Variants in OSBPL9 observed in about 807,000 individuals in gnomAD.
OSBPL9 encodes the protein oxysterol binding protein like 9, also known as oxysterol-binding protein-related protein 9.
Under a neutral mutation model 106.6 loss-of-function variants are expected in OSBPL9, and 40 were observed. The observed-to-expected ratio is 0.38, with a 90% confidence interval of 0.29 to 0.49. OSBPL9 has a LOEUF of 0.49. Among genes scored for constraint, OSBPL9 ranks in the 20% least tolerant of loss-of-function variants. The probability of loss-of-function intolerance (pLI) is 0.97; values close to 1 mark genes in which losing one functional copy is unlikely to be tolerated. For missense variants in OSBPL9, 609 were observed against 887.2 expected (o/e 0.69, Z 3.98); for synonymous variants, 269 against 295.4 (o/e 0.91, Z 0.92).
the OSBPL9 span, among the ~76,000 whole-genome samples, chr1:51,546,365 C>A: frequency 1.3e-5 from 2 of 152,060 alleles, no homozygotes; most frequent in African/African-American, 2.4e-5. Flanking sequence ...TTAAGAATTT[C>A]TGTTCAACAA....
At chr1:51,671,542 G>T (rs1424017861) in intron 3 of OSBPL9, among the ~76,000 whole-genome samples, 2 of 152,120 alleles carry the variant, frequency 1.3e-5, no homozygotes, top group African/African-American at 4.8e-5. Flanking sequence ...TTATTCTGGG[G>T]ATACAGTGGT....
chr1:51,735,125 G>A (rs1302232159), intron 4 of OSBPL9, among the ~76,000 whole-genome samples: 3 of 152,154 alleles, frequency 2.0e-5, no homozygotes, highest in Non-Finnish European at 4.4e-5. Context: ...TTTAGCAAAT[G>A]GGAAGCAGTG....
At chr1:51,584,493 C>T (rs987369439) in intron 1 of OSBPL9, among the ~76,000 whole-genome samples, 6 of 152,072 alleles carry the variant, frequency 3.9e-5, no homozygotes, top group Non-Finnish European at 7.3e-5. Flanking sequence ...GCAGGTGGAT[C>T]GCCTGAGGTC....
rs745887939 is a variant in OSBPL9, at chr1:51,762,023, G to A, written c.778+52G>A. ...TCTCATAACTCTATTAACATTTGAG[G>A]TTTGTTTGTGACCTCTGATGAGGAG... On this transcript the variant is annotated intron_variant, in intron 11 of 23. Coordinates refer to ENST00000428468, the MANE Select transcript of OSBPL9 (RefSeq NM_024586.6). 38 of 1,336,760 alleles carry A rather than the reference G, an allele frequency of 2.8e-5. 1 individual carries two copies. Among genetic ancestry groups the A allele is most frequent in the African/African-American group, 2.9e-5 (2 of 69,280 alleles). The allele number at this position is 1,336,760 out of a possible 1,614,324, so 82.8% of individuals were successfully genotyped here.
rs563140488 is a variant in OSBPL9, at chr1:51,768,227, C to T, written c.938+2246C>T. Among the ~76,000 whole-genome samples, 68 of 151,402 alleles carry T rather than the reference C, an allele frequency of 4.5e-4. 1 individual carries two copies. Among genetic ancestry groups the T allele is most frequent in the South Asian group, 3.8e-3 (18 of 4,786 alleles). On this transcript the variant is annotated intron_variant, in intron 12 of 23. Coordinates refer to ENST00000428468, the MANE Select transcript of OSBPL9 (RefSeq NM_024586.6). ...AAGTGCTGGGATTACAGGCATGAGC[C>T]ACCGCGCCCAGCCTTTTTTGAGACG...
the OSBPL9 span, among the ~76,000 whole-genome samples, chr1:51,559,478 A>G: frequency 6.6e-6 from 1 of 151,324 alleles, no homozygotes; most frequent in African/African-American, 2.5e-5. Flanking sequence ...CTCCTCACAA[A>G]ATTAAGAGAC....
intron 1 of OSBPL9, among the ~76,000 whole-genome samples, chr1:51,596,072 C>T (rs955896936): frequency 1.3e-5 from 2 of 151,836 alleles, no homozygotes; most frequent in African/African-American, 2.4e-5. Context: ...GCCTGGCCAA[C>T]ATGGTGAAAC....
chr1:51,518,753 G>A, the OSBPL9 span, among the ~76,000 whole-genome samples: 1 of 151,982 alleles, frequency 6.6e-6, no homozygotes, highest in Non-Finnish European at 1.5e-5. Flanking sequence ...GCGCGCAGCC[G>A]GCCTGGCGGG....
chr1:51,544,627 T>C, the OSBPL9 span, among the ~76,000 whole-genome samples: 1 of 150,864 alleles, frequency 6.6e-6, no homozygotes, highest in African/African-American at 2.4e-5. Context: ...AGGAAAAAAA[T>C]TATGTATAAA....
intron 17 of OSBPL9, among the ~76,000 whole-genome samples, chr1:51,783,349 ATTTT>A (rs758238195): frequency 8.5e-6 from 1 of 117,788 alleles, no homozygotes. Context: ...TAATTTTCTT[ATTTT>A]TTTTTTTTTT....
the OSBPL9 span, among the ~76,000 whole-genome samples, chr1:51,565,173 A>G: frequency 6.6e-6 from 1 of 152,076 alleles, no homozygotes; most frequent in Admixed American, 6.6e-5. Context: ...CCTGACCTCA[A>G]GCATCTCTTC....
chr1:51,683,686 A>G (rs762054187), intron 3 of OSBPL9, among the ~76,000 whole-genome samples: 13 of 151,834 alleles, frequency 8.6e-5, no homozygotes, highest in Non-Finnish European at 1.8e-4. Flanking sequence ...GCAGCTACTC[A>G]GGAGGCTGAG....
At chr1:51,597,132 A>C (rs1193549575) in intron 1 of OSBPL9, among the ~76,000 whole-genome samples, 2 of 152,138 alleles carry the variant, frequency 1.3e-5, no homozygotes, top group Non-Finnish European at 2.9e-5. Context: ...GAGCATCAGA[A>C]AGAAAGCCAA....
intron 3 of OSBPL9, among the ~76,000 whole-genome samples, chr1:51,692,149 A>G (rs951417544): frequency 6.6e-6 from 1 of 152,036 alleles, no homozygotes; most frequent in Non-Finnish European, 1.5e-5. Context: ...TCTACAAATA[A>G]TTTTTAAATA....
intron 2 of OSBPL9, among the ~76,000 whole-genome samples, chr1:51,602,694 C>T (rs974674777): frequency 1.3e-5 from 2 of 152,114 alleles, no homozygotes; most frequent in African/African-American, 2.4e-5. Context: ...GATTCTCCCG[C>T]CTCTGCCTCC....
At chr1:51,616,540 T>C (rs1273430942), upstream of OSBPL9, among the ~76,000 whole-genome samples, 2 of 152,198 alleles carry the variant, frequency 1.3e-5, no homozygotes, top group African/African-American at 2.4e-5. Flanking sequence ...ACTCAGGCCT[T>C]CCCTGTTTGG....
chr1:51,556,348 T>C, the OSBPL9 span, among the ~76,000 whole-genome samples: 6 of 152,250 alleles, frequency 3.9e-5, no homozygotes, highest in African/African-American at 1.4e-4. Flanking sequence ...CATGGGAGTA[T>C]TTGTATAACC....
At chr1:51,532,936 G>A in the OSBPL9 span, among the ~76,000 whole-genome samples, 3 of 152,100 alleles carry the variant, frequency 2.0e-5, no homozygotes, top group Middle Eastern at 3.4e-3. Flanking sequence ...AGAAAGATAA[G>A]TAAAATTATT....
At chr1:51,628,684 CT>C (rs909175159) in intron 1 of OSBPL9, among the ~76,000 whole-genome samples, 1,465 of 134,420 alleles carry the variant, frequency 0.011, 16 homozygotes, top group African/African-American at 0.035. Context: ...TTCTTTTTTT[CT>C]TTTTTTTTTT....
Sources: gnomAD v4.1 joint callset for allele counts (sites outside exome capture counted in the v4.1 genomes callset) on GRCh38, gnomAD v4.1.1 for gene constraint, MANE v1.5 for transcripts, NCBI Gene and HGNC (gene_info 2026-07-23, HGNC 2026-07-21) for gene names.